Variants in MIPOL1 observed in about 807,000 individuals in gnomAD.
MIPOL1 encodes the protein mirror-image polydactyly gene 1 protein.
Under a neutral mutation model 60.9 loss-of-function variants are expected in MIPOL1, and 57 were observed. The ratio of observed to expected loss-of-function variants is 0.94; its 90% CI spans 0.76 to 1.17. The LOEUF is 1.17. Ranked by LOEUF, MIPOL1 falls within the 50% of genes most tolerant of loss-of-function variation. MIPOL1 has a pLI of 0.00. For synonymous variants in MIPOL1, 179 were observed against 168.8 expected, an observed-to-expected ratio of 1.06 and a Z score of -0.47; for missense variants, 551 against 511.6, an observed-to-expected ratio of 1.08 and a Z score of -0.74.
intron 10 of MIPOL1, among the ~76,000 whole-genome samples, chr14:37,379,006 G>A (rs553559505): frequency 1.2e-4 from 18 of 152,008 alleles, no homozygotes; most frequent in Non-Finnish European, 2.1e-4. Flanking sequence ...TGATACAGCC[G>A]AAACAATCTT....
chr14:37,475,973 A>G (rs1281411863), intron 11 of MIPOL1, among the ~76,000 whole-genome samples: 3 of 152,156 alleles, frequency 2.0e-5, no homozygotes, highest in Non-Finnish European at 4.4e-5. Flanking sequence ...TGGAATTTTT[A>G]TTGGGATTGT....
At chr14:37,248,882 C>A (rs958769579) in intron 3 of MIPOL1, among the ~76,000 whole-genome samples, 7 of 151,828 alleles carry the variant, frequency 4.6e-5, no homozygotes, top group Admixed American at 1.3e-4. Context: ...AGGAACACAG[C>A]CTGAGAGGCA....
chr14:37,413,762 G>T (rs1595669729), intron 10 of MIPOL1, among the ~76,000 whole-genome samples: 1 of 152,170 alleles, frequency 6.6e-6, no homozygotes, highest in African/African-American at 2.4e-5. Flanking sequence ...TCTGGTTGGA[G>T]TGAGGGATTG....
chr14:37,537,850 C>G (rs2095513184), intron 12 of MIPOL1, among the ~76,000 whole-genome samples: 2 of 152,116 alleles, frequency 1.3e-5, no homozygotes, highest in Non-Finnish European at 2.9e-5. Context: ...GGCATAATAT[C>G]AACTTCAACA....
intron 9 of MIPOL1, among the ~76,000 whole-genome samples, chr14:37,321,494 G>T (rs1226502996): frequency 6.6e-6 from 1 of 151,864 alleles, no homozygotes; most frequent in Non-Finnish European, 1.5e-5. Flanking sequence ...TTTGATACTT[G>T]CCCTGTGACC....
In MIPOL1 at chr14:37,218,608, T is replaced by C. The variant is rs190616745; in HGVS notation, c.-199+20504T>C. Among the ~76,000 whole-genome samples the C allele has an allele frequency of 1.8e-3, 267 of 152,178 alleles. 1 individual carries two copies. The highest frequency in any genetic ancestry group is 6.0e-3 in the African/African-American group (250 of 41,534). On this transcript the variant is annotated intron_variant, in intron 1 of 12. Transcript: ENST00000684589. ...ATTCTGCCATTGTTGGATGGGGTTT[T>C]TAAATAAATGTTAAGTGAAATGGAT... is the stretch of plus-strand genomic sequence containing the variant.
intron 1 of MIPOL1, among the ~76,000 whole-genome samples, chr14:37,229,321 T>C (rs1449718938): frequency 6.6e-6 from 1 of 152,130 alleles, no homozygotes; most frequent in East Asian, 1.9e-4. Context: ...CCAGCTAGTA[T>C]TTTTTGTAGA....
At chr14:37,542,986 A>C (rs983960328) in intron 12 of MIPOL1, among the ~76,000 whole-genome samples, 2 of 152,092 alleles carry the variant, frequency 1.3e-5, no homozygotes, top group African/African-American at 4.8e-5. Context: ...CTTAACTTAC[A>C]CACATATTCC....
chr14:37,484,713 T>G (rs1566691177), intron 11 of MIPOL1, among the ~76,000 whole-genome samples: 1 of 152,146 alleles, frequency 6.6e-6, no homozygotes, highest in South Asian at 2.1e-4. Context: ...TTATTCATAT[T>G]GAATCATTTT....
chr14:37,294,781 C>T (rs1356968257), intron 7 of MIPOL1, among the ~76,000 whole-genome samples: 2 of 152,016 alleles, frequency 1.3e-5, no homozygotes, highest in Non-Finnish European at 2.9e-5. Flanking sequence ...ATGAGCAAAG[C>T]CTCCGAGAAA....
At chr14:37,259,903 C>A (rs1214612769) in intron 3 of MIPOL1, among the ~76,000 whole-genome samples, 2 of 152,072 alleles carry the variant, frequency 1.3e-5, no homozygotes, top group African/African-American at 4.8e-5. Flanking sequence ...ATTCTGCCAC[C>A]AACCTTTTCT....
At chr14:37,373,143 A>G (rs1409007074) in intron 10 of MIPOL1, among the ~76,000 whole-genome samples, 4 of 152,000 alleles carry the variant, frequency 2.6e-5, no homozygotes, top group Admixed American at 2.6e-4. Context: ...AGCTGAGATT[A>G]CAGGCATGCA....
chr14:37,491,519 ACT>A (rs1461291350), intron 11 of MIPOL1, among the ~76,000 whole-genome samples: 3 of 151,990 alleles, frequency 2.0e-5, no homozygotes, highest in African/African-American at 7.3e-5. Flanking sequence ...AAAGAGCAAG[ACT>A]CTGTCTCAAA....
chr14:37,463,738 A>G (rs758174032), intron 11 of MIPOL1, among the ~76,000 whole-genome samples: 2 of 152,208 alleles, frequency 1.3e-5, no homozygotes, highest in Non-Finnish European at 2.9e-5. Context: ...CAAATGTGAC[A>G]AAAACAAAAA....
rs551006450 is a variant in MIPOL1, at chr14:37,245,462, A to G, written c.-198-1641A>G. 3.9e-5 allele frequency among the ~76,000 whole-genome samples: 6 copies of G among 152,274 alleles called. No homozygotes were observed. The South Asian group carries it at 1.2e-3, about 32-fold the overall frequency. ...ATATGAATTGAAAAATAAGACTGTG[A>G]CATCAAGGGCAAAGCAAATGTGCTG... is the stretch of plus-strand genomic sequence containing the variant. On this transcript the variant is annotated intron_variant, in intron 1 of 12. Transcript: ENST00000684589.
intron 7 of MIPOL1, among the ~76,000 whole-genome samples, chr14:37,306,033 G>A (rs926287459): frequency 5.3e-5 from 8 of 151,828 alleles, no homozygotes; most frequent in African/African-American, 1.9e-4. Flanking sequence ...ATGTGCCAGG[G>A]ATCTGGAATA....
At chr14:37,377,828 A>C (rs1009800121) in intron 10 of MIPOL1, among the ~76,000 whole-genome samples, 2 of 148,452 alleles carry the variant, frequency 1.3e-5, no homozygotes, top group African/African-American at 5.0e-5. Flanking sequence ...GCTCACTATA[A>C]CCTCCAATTC....
intron 11 of MIPOL1, among the ~76,000 whole-genome samples, chr14:37,492,442 GTT>G (rs1566708600): frequency 6.6e-6 from 1 of 152,164 alleles, no homozygotes; most frequent in African/African-American, 2.4e-5. Flanking sequence ...TCAGTAAAAT[GTT>G]TATAAAATAC....
At chr14:37,499,566 T>C (rs2095184639) in intron 11 of MIPOL1, among the ~76,000 whole-genome samples, 1 of 152,174 alleles carries the variant, frequency 6.6e-6, no homozygotes, top group South Asian at 2.1e-4. Flanking sequence ...TTTCAGCTTA[T>C]TACATTCTTT....
Sources: gnomAD v4.1 joint callset for allele counts (sites outside exome capture counted in the v4.1 genomes callset) on GRCh38, gnomAD v4.1.1 for gene constraint, MANE v1.5 for transcripts, NCBI Gene and HGNC (gene_info 2026-07-23, HGNC 2026-07-21) for gene names.